The following LLGL2 variants were observed in gnomAD, a reference collection of about 807,000 sequenced individuals.
LLGL2 encodes the protein LLGL2, scribble cell polarity complex component.
In LLGL2, 81 loss-of-function variants were observed where a neutral mutation model predicts 123.2. The observed-to-expected ratio is 0.66, with a 90% CI of 0.55 to 0.79. The LOEUF is 0.79. LLGL2 is among the 30% of genes least tolerant of loss of function. LLGL2 has a pLI of 0.00. For missense variants in LLGL2, 1,273 were observed against 1,414.6 expected (o/e 0.90, Z 1.61); for synonymous variants, 577 against 594.1 (o/e 0.97, Z 0.42).
intron 10 of LLGL2, among the ~76,000 whole-genome samples, chr17:75,565,391 C>T (rs995954110): frequency 6.6e-6 from 1 of 152,244 alleles, no homozygotes; most frequent in African/African-American, 2.4e-5. Flanking sequence ...CTGTTCAGGA[C>T]ACCTGGTCTG....
intron 20 of LLGL2, 28 bp from the exon 21 acceptor site, chr17:75,573,453 G>T (rs1362195281): frequency 6.3e-7 from 1 of 1,594,872 alleles, no homozygotes; most frequent in Admixed American, 1.7e-5. Context: ...CGCCAGGCCA[G>T]GCCGCTAGCA....
rs181025511 is a variant in LLGL2 at position 75,560,937 on chromosome 17, T to G, written c.530+1527T>G. On this transcript the variant is annotated intron_variant, in intron 6 of 25. Transcript: ENST00000392550. ...ACCTCTGCTTCCTGGGTTCAAGTGA[T>G]TCTCCTGCCTCAGCCTTCCGAGTAG... 1.4e-4 allele frequency among the ~76,000 whole-genome samples: 22 copies of G among 152,148 alleles called. No individual in the cohort carries two copies. The East Asian group carries it at 4.1e-3, about 28-fold the overall frequency.
intron 1 of LLGL2, among the ~76,000 whole-genome samples, chr17:75,539,618 T>C (rs2054134887): frequency 1.3e-5 from 2 of 151,678 alleles, no homozygotes; most frequent in South Asian, 4.2e-4. Flanking sequence ...CTTTTTTTTT[T>C]TTTTTTTTAT....
At position 75,572,664 on chromosome 17, in the gene LLGL2, C is replaced by CAAAAA. The variant is rs71161230; in HGVS notation, c.2461-337_2461-333dup. 8.0e-4 allele frequency among the ~76,000 whole-genome samples: 67 copies of CAAAAA among 83,330 alleles called. 1 individual carries two copies. Among genetic ancestry groups the CAAAAA allele is most frequent in the Non-Finnish European group, 1.0e-3 (45 of 43,204 alleles). The allele number at this position is 83,330 out of a possible 152,430, so 54.7% of individuals were successfully genotyped here. ...TGGGCGACAGAGCGAGATTCCGTCT[C>CAAAAA]AAAAAAAAAAAAAAAAACCAGCATG... On this transcript the variant is annotated intron_variant, in intron 19 of 25. Transcript: ENST00000392550.
Position 75,563,429 on chromosome 17 carries a change from G to C in LLGL2, c.792G>C (p.Gln264His). ...YCQWPVSSEAQQPEPLRSLVP... is the reference protein window; with the variant it reads ...YCQWPVSSEAHQPEPLRSLVP... ...AGTGGCCCGTGTCCAGCGAAGCCCAGCAACCAGAGCCCCTCCGCAGCCTCG... is the reference window on the plus strand; with the variant it reads ...AGTGGCCCGTGTCCAGCGAAGCCCACCAACCAGAGCCCCTCCGCAGCCTCG... The change falls in exon 8 of 26, where the codon CAG becomes CAC. Residue 264 changes from glutamine (Q) to histidine (H), a missense_variant. Transcript: ENST00000392550. The C allele has an allele frequency of 6.2e-7, 1 of 1,612,776 alleles. No individual in the cohort carries two copies. The highest frequency in any genetic ancestry group is 8.5e-7 in the Non-Finnish European group (1 of 1,180,026).
intron 2 of LLGL2, among the ~76,000 whole-genome samples, chr17:75,547,670 C>G (rs2054488635): frequency 6.6e-6 from 1 of 152,024 alleles, no homozygotes; most frequent in African/African-American, 2.4e-5. Flanking sequence ...ACTAAAAATA[C>G]AAAAATCAGT....
At position 75,544,376 on chromosome 17, in the gene LLGL2, C is replaced by T. The variant is rs186139012; in HGVS notation, c.75+875C>T. Among the ~76,000 whole-genome samples, 1 of 152,352 alleles carries T rather than the reference C, an allele frequency of 6.6e-6. No homozygotes were observed. The highest frequency in any genetic ancestry group is 6.5e-5 in the Admixed American group (1 of 15,302). On this transcript the variant is annotated intron_variant, in intron 2 of 25. Transcript: ENST00000392550. The surrounding 1 kb of genome is among the most constrained non-coding windows in gnomAD (Gnocchi z 4.2). The stretch of plus-strand genomic sequence containing the variant: ...GTTGGGGGCTTCCGTTTGGGCTCCC[C>T]TGCCCCCGAAAGGAAGCAGTGGATG...
In LLGL2 at chr17:75,564,673, G is replaced by C. The variant is rs1209641375; in HGVS notation, c.1036+166G>C. 2 of 1,155,844 alleles carry C rather than the reference G, an allele frequency of 1.7e-6. No homozygotes were observed. The highest frequency in any genetic ancestry group is 3.4e-5 in the South Asian group (2 of 59,506). 71.6% of individuals were successfully genotyped at this position (1,155,844 alleles called of 1,614,324 possible). ...AACCCAGGAGTTCAAGTCCAGCCTG[G>C]ACAACGTAGGGAGACCCTTGTCTCT... is the stretch of plus-strand genomic sequence containing the variant. On this transcript the variant is annotated intron_variant, in intron 10 of 25. Coordinates refer to ENST00000392550, the MANE Select transcript of LLGL2 (RefSeq NM_001031803.2). The surrounding 1 kb of genome is among the most constrained non-coding windows in gnomAD (Gnocchi z 4.9).
chr17:75,556,592 A>G (rs1264197281), intron 3 of LLGL2, among the ~76,000 whole-genome samples: 1 of 152,132 alleles, frequency 6.6e-6, no homozygotes, highest in Non-Finnish European at 1.5e-5. Context: ...TCCAGAGGGA[A>G]GGACCTGACG....
rs551320970 is a variant in LLGL2, at chr17:75,530,852, C to T, written c.-31+5027C>T. Among the ~76,000 whole-genome samples, 7 of 152,186 alleles carry T rather than the reference C, an allele frequency of 4.6e-5. No homozygotes were observed. The South Asian group carries it at 1.2e-3, about 27-fold the overall frequency. ...TCTCTAGGGGTCAGAAGTTTTTCAG[C>T]GAGGACCTTTTTCAGGAATTGAGGG... On this transcript the variant is annotated intron_variant, in intron 1 of 25. Transcript: ENST00000392550.
In LLGL2 at chr17:75,559,205, C is replaced by T; in HGVS notation, c.372-47C>T. 2 of 1,533,112 alleles carry T rather than the reference C, an allele frequency of 1.3e-6. No homozygotes were observed. The highest frequency in any genetic ancestry group is 1.8e-6 in the Non-Finnish European group (2 of 1,141,596). 95.0% of individuals were successfully genotyped at this position (1,533,112 alleles called of 1,614,324 possible). ...TCAGGGGACCCCGTCCATGGCATCT[C>T]CCCTGCTGGGCAGTGGTCGGCTCAC... is the stretch of plus-strand genomic sequence containing the variant. On this transcript the variant is annotated intron_variant, in intron 5 of 25. Coordinates refer to ENST00000392550, the MANE Select transcript of LLGL2 (RefSeq NM_001031803.2). The surrounding 1 kb of genome is among the most constrained non-coding windows in gnomAD (Gnocchi z 4.6).
rs923597122 is a variant in LLGL2 at position 75,537,936 on chromosome 17, G to C, written c.-30-5461G>C. 2.0e-5 allele frequency among the ~76,000 whole-genome samples: 3 copies of C among 151,638 alleles called. No homozygotes were observed. In the East Asian group the frequency reaches 5.8e-4, roughly 29 times the overall value. ...CAATTCTCCTGCCTCAGCCTCCTGA[G>C]TAGTTGGGACCACATGGTGCCCGTC... On this transcript the variant is annotated intron_variant, in intron 1 of 25. Transcript: ENST00000392550.
In LLGL2 at chr17:75,558,722, GCC is replaced by G; in HGVS notation, c.371+98_371+99del. 2.1e-6 allele frequency: 2 copies of G among 963,292 alleles called. No individual in the cohort carries two copies. Among genetic ancestry groups the G allele is most frequent in the South Asian group, 2.9e-5 (2 of 68,558 alleles). The allele number at this position is 963,292 out of a possible 1,614,324, so 59.7% of individuals were successfully genotyped here. ...ACTCACCCTTTGTGAGGCCTGTTGC[GCC>G]CCTGGCAGTGACTGGCATGCGTTTG... On this transcript the variant is annotated intron_variant, in intron 5 of 25. Transcript: ENST00000392550. The surrounding 1 kb of genome is among the most constrained non-coding windows in gnomAD (Gnocchi z 4.0).
chr17:75,554,746 G>T (rs920071269), intron 2 of LLGL2, among the ~76,000 whole-genome samples: 1 of 149,108 alleles, frequency 6.7e-6, no homozygotes, highest in East Asian at 2.0e-4. Context: ...AAAATTAGCC[G>T]GGCGTGGTGG....
chr17:75,567,134 A>G (rs951992024), intron 10 of LLGL2, among the ~76,000 whole-genome samples: 1 of 152,152 alleles, frequency 6.6e-6, no homozygotes, highest in Non-Finnish European at 1.5e-5. Context: ...GCCAGCGGGC[A>G]GCAGACCCCA....
At chr17:75,536,758 T>G (rs1342346331) in intron 1 of LLGL2, among the ~76,000 whole-genome samples, 2 of 152,216 alleles carry the variant, frequency 1.3e-5, no homozygotes, top group Non-Finnish European at 2.9e-5. Context: ...TTTAATAGAT[T>G]CTACCTGACT....
intron 1 of LLGL2, among the ~76,000 whole-genome samples, chr17:75,527,309 C>T (rs2053609187): frequency 6.6e-6 from 1 of 152,080 alleles, no homozygotes. Context: ...GCGATCTTCC[C>T]ACAGTGCTAG....
intron 1 of LLGL2, among the ~76,000 whole-genome samples, chr17:75,527,167 C>CAAAAAA (rs200100321): frequency 7.7e-6 from 1 of 129,804 alleles, no homozygotes; most frequent in Non-Finnish European, 1.6e-5. Flanking sequence ...GACCCTGTCT[C>CAAAAAA]AAAAAAAAAA....
chr17:75,569,901 C>T, intron 14 of LLGL2, 62 bp from the exon 15 acceptor site: 1 of 1,512,704 alleles, frequency 6.6e-7, no homozygotes, highest in Non-Finnish European at 8.9e-7. Context: ...CCACTAGTAG[C>T]ATCCTGCGGC....
Sources: gnomAD v4.1 joint callset for allele counts (sites outside exome capture counted in the v4.1 genomes callset) on GRCh38, gnomAD v4.1.1 for gene constraint, Gnocchi (gnomAD v3.1) non-coding constraint, MANE v1.5 for transcripts, NCBI Gene and HGNC (gene_info 2026-07-23, HGNC 2026-07-21) for gene names.